PACRG: variants seen among roughly 807,000 people sequenced by gnomAD.
PACRG encodes parkin coregulated.
In PACRG, 29 loss-of-function variants were observed where a neutral mutation model predicts 29.7. The ratio of observed to expected loss-of-function variants is 0.98; its 90% CI spans 0.73 to 1.33. PACRG has a LOEUF of 1.33. Ranked by LOEUF, PACRG falls within the 40% of genes most tolerant of loss-of-function variation. The pLI, the probability that PACRG is intolerant of heterozygous loss-of-function variation, is 0.00. For missense variants in PACRG, 279 were observed against 316.2 expected (o/e 0.88, Z 0.89); for synonymous variants, 116 against 118.7 (o/e 0.98, Z 0.15).
chr6:163,087,329 GA>G (rs1227098502), intron 3 of PACRG, among the ~76,000 whole-genome samples: 1 of 151,760 alleles, frequency 6.6e-6, no homozygotes, highest in East Asian at 1.9e-4. Context: ...GACCAGAGAA[GA>G]GGAGGTGAGG....
At chr6:163,259,416 A>G (rs1422136793) in intron 4 of PACRG, among the ~76,000 whole-genome samples, 1 of 152,160 alleles carries the variant, frequency 6.6e-6, no homozygotes, top group Non-Finnish European at 1.5e-5. Context: ...AGTTAGTGGT[A>G]TCGTCCTGTG....
chr6:162,898,789 T>G (rs1286164074), intron 2 of PACRG, among the ~76,000 whole-genome samples: 1 of 152,230 alleles, frequency 6.6e-6, no homozygotes, highest in Admixed American at 6.5e-5. Flanking sequence ...TTTACTTTAT[T>G]GATGCCTAAA....
intron 1 of PACRG, among the ~76,000 whole-genome samples, chr6:162,756,452 G>T (rs548117206): frequency 1.3e-5 from 2 of 152,140 alleles, no homozygotes; most frequent in South Asian, 4.1e-4. Flanking sequence ...TGTGTTATAA[G>T]TGTAGCTACT....
In PACRG at chr6:162,755,501, T is replaced by G. The variant is rs149073962; in HGVS notation, c.156+27110T>G. ...CCCAGGTTGGAGTGCAGTGGTGCAA[T>G]CTCGGCTCACTGCAACCTCTGCCTC... is the stretch of plus-strand genomic sequence containing the variant. On this transcript the variant is annotated intron_variant, in intron 1 of 4. Transcript: ENST00000366888. Among the ~76,000 whole-genome samples the G allele has an allele frequency of 8.2e-3, 1,248 of 152,242 alleles. 19 individuals are homozygous for G. Among genetic ancestry groups the G allele is most frequent in the African/African-American group, 0.029 (1,194 of 41,550 alleles).
intron 4 of PACRG, among the ~76,000 whole-genome samples, chr6:163,177,490 C>G (rs1417624510): frequency 6.6e-6 from 1 of 151,912 alleles, no homozygotes; most frequent in Admixed American, 6.6e-5. Context: ...ATGTGGAGAG[C>G]TACACAAAGG....
intron 4 of PACRG, among the ~76,000 whole-genome samples, chr6:163,250,168 G>A (rs560567524): frequency 1.3e-5 from 2 of 152,366 alleles, no homozygotes; most frequent in Non-Finnish European, 2.9e-5. Flanking sequence ...GCAACACAAA[G>A]TTCTGATAAA....
chr6:162,764,058 G>A (rs1221827758), intron 1 of PACRG, among the ~76,000 whole-genome samples: 2 of 152,108 alleles, frequency 1.3e-5, no homozygotes, highest in East Asian at 3.9e-4. Context: ...GGCAGATCAC[G>A]AGGTCAGGAG....
At chr6:163,012,223 A>G (rs906555870) in intron 2 of PACRG, among the ~76,000 whole-genome samples, 2 of 152,346 alleles carry the variant, frequency 1.3e-5, no homozygotes, top group East Asian at 1.9e-4. Context: ...AATAAGTTAG[A>G]TATGTTTTTT....
intron 4 of PACRG, among the ~76,000 whole-genome samples, chr6:163,256,329 G>A (rs1487761967): frequency 1.3e-5 from 2 of 152,112 alleles, no homozygotes; most frequent in Admixed American, 1.3e-4. Flanking sequence ...CACTATTCTG[G>A]GTGCTGAAGA....
intron 2 of PACRG, among the ~76,000 whole-genome samples, chr6:162,892,628 G>A (rs1051486555): frequency 2.0e-5 from 3 of 152,122 alleles, no homozygotes; most frequent in Non-Finnish European, 4.4e-5. Context: ...GCCATGGACT[G>A]AGATAGGTGG....
At chr6:162,807,046 C>T (rs931922889) in intron 1 of PACRG, among the ~76,000 whole-genome samples, 2 of 152,180 alleles carry the variant, frequency 1.3e-5, no homozygotes, top group African/African-American at 4.8e-5. Context: ...GGTTTCTTTC[C>T]ATACATCTCA....
In PACRG at chr6:162,947,044, G is replaced by A. The variant is rs1435393488; in HGVS notation, c.292-115106G>A. 2.6e-5 allele frequency among the ~76,000 whole-genome samples: 4 copies of A among 151,870 alleles called. No homozygotes were observed. The East Asian group carries it at 5.8e-4, about 22-fold the overall frequency. ...CATACTAAATGGGCAAAAGCTGGAA[G>A]CATTCCCCTTGAGAACAGGACAAGG... On this transcript the variant is annotated intron_variant, in intron 2 of 4. Transcript: ENST00000366888.
intron 4 of PACRG, among the ~76,000 whole-genome samples, chr6:163,285,031 C>T (rs1022034633): frequency 6.6e-6 from 1 of 152,178 alleles, no homozygotes; most frequent in South Asian, 2.1e-4. Flanking sequence ...AAACAGCAGC[C>T]TCGACTCAAA....
intron 4 of PACRG, among the ~76,000 whole-genome samples, chr6:163,271,264 T>C (rs892516043): frequency 1.3e-5 from 2 of 152,170 alleles, no homozygotes; most frequent in African/African-American, 2.4e-5. Flanking sequence ...CCCACCCAGA[T>C]TGAGGGTGGG....
chr6:163,135,639 T>G (rs1188219319), intron 4 of PACRG, among the ~76,000 whole-genome samples: 1 of 152,228 alleles, frequency 6.6e-6, no homozygotes, highest in Non-Finnish European at 1.5e-5. Context: ...TTAGTATATG[T>G]GAGCTGGAGT....
intron 4 of PACRG, among the ~76,000 whole-genome samples, chr6:163,237,490 T>A (rs1426971923): frequency 2.6e-5 from 4 of 152,222 alleles, no homozygotes; most frequent in Non-Finnish European, 4.4e-5. Flanking sequence ...GTTCATGTTT[T>A]CTCTTGCTTA....
intron 4 of PACRG, among the ~76,000 whole-genome samples, chr6:163,257,173 A>ACACT (rs1783146190): frequency 1.3e-5 from 2 of 152,114 alleles, no homozygotes; most frequent in African/African-American, 4.8e-5. Context: ...AAATAAGGGC[A>ACACT]CACTCACAGG....
intron 2 of PACRG, among the ~76,000 whole-genome samples, chr6:162,974,355 A>G (rs1197305105): frequency 6.6e-6 from 1 of 152,246 alleles, no homozygotes. Flanking sequence ...TGGGCAAAAT[A>G]CAGCAATGTA....
chr6:162,802,517 A>G (rs1488276657), intron 1 of PACRG, among the ~76,000 whole-genome samples: 3 of 152,182 alleles, frequency 2.0e-5, no homozygotes, highest in East Asian at 1.9e-4. Context: ...TTCCAGTGTA[A>G]TAGTCCATTA....
Sources: gnomAD v4.1 joint callset for allele counts (sites outside exome capture counted in the v4.1 genomes callset) on GRCh38, gnomAD v4.1.1 for gene constraint, MANE v1.5 for transcripts, NCBI Gene and HGNC (gene_info 2026-07-23, HGNC 2026-07-21) for gene names.